Variants in BARD1 observed in about 807,000 individuals in gnomAD.
The protein encoded by BARD1 is BRCA1-associated RING domain protein 1.
Under a neutral mutation model 77.0 loss-of-function variants are expected in BARD1, and 73 were observed. The observed-to-expected ratio is 0.95, with a 90% confidence interval of 0.79 to 1.15. The LOEUF (loss-of-function observed/expected upper bound fraction) is 1.15, where lower values mean the gene tolerates loss of function less well. Ranked by LOEUF, BARD1 falls within the 50% of genes most tolerant of loss-of-function variation. The pLI is 0.00. For synonymous variants in BARD1, 384 were observed against 338.0 expected (o/e 1.14, Z -1.49); for missense variants, 993 against 938.8 (o/e 1.06, Z -0.75).
In BARD1 at chr2:214,809,499, G is replaced by T; in HGVS notation, c.71C>A (p.Pro24His). Residue 24 changes from proline (P) to histidine (H), a missense_variant, in exon 1 of 11, where the codon CCC becomes CAC. Pro to His is a moderately conservative substitution (Grantham distance 77). Transcript: ENST00000260947. ...ACCGCGACCATCCGGTTCCATGGCG[G>T]GCGCGGAACGAGGCTCGTTCCCGGA... Reference protein sequence around the residue: ...IRSGNEPRSAPAMEPDGRGAW... With the variant: ...IRSGNEPRSAHAMEPDGRGAW... The T allele has an allele frequency of 6.2e-7, 1 of 1,606,070 alleles. No homozygotes were observed.
chr2:214,787,735 C>A (rs1695334697), intron 3 of BARD1, among the ~76,000 whole-genome samples: 1 of 151,884 alleles, frequency 6.6e-6, no homozygotes, highest in South Asian at 2.1e-4. Flanking sequence ...AGCTGCTTGG[C>A]CAAGTTTTTT....
intron 3 of BARD1, among the ~76,000 whole-genome samples, chr2:214,788,746 T>A (rs1388624126): frequency 1.3e-5 from 2 of 152,102 alleles, no homozygotes; most frequent in African/African-American, 2.4e-5. Context: ...CCTAATGAGA[T>A]CATTTTCCAA....
At position 214,746,986 on chromosome 2, in the gene BARD1, A is replaced by G. The variant is rs180892255; in HGVS notation, c.1678-1132T>C. 6.6e-3 allele frequency among the ~76,000 whole-genome samples: 999 copies of G among 152,288 alleles called. 10 individuals are homozygous for G. The highest frequency in any genetic ancestry group is 0.022 in the African/African-American group (929 of 41,554). ...CAAAGGGCTAATATCCAGGATCTAC[A>G]ATGAACTCAAACAAATTTACAAGAA... On this transcript the variant is annotated intron_variant, in intron 7 of 10. Transcript: ENST00000260947.
chr2:214,809,296 C>T, intron 1 of BARD1, 116 bp downstream of exon 1: 1 of 1,469,774 alleles, frequency 6.8e-7, no homozygotes, highest in Non-Finnish European at 9.2e-7. Flanking sequence ...CGCACGCCGA[C>T]CCGACTGCAG....
chr2:214,750,761 T>A (rs1363911407), intron 7 of BARD1, among the ~76,000 whole-genome samples: 1 of 152,126 alleles, frequency 6.6e-6, no homozygotes, highest in African/African-American at 2.4e-5. Context: ...TCTTTTTCAG[T>A]TGGCCACTGT....
chr2:214,740,902 G>A (rs59556665), intron 9 of BARD1, among the ~76,000 whole-genome samples: 5,187 of 150,630 alleles, frequency 0.034, 282 homozygotes, highest in African/African-American at 0.12. Flanking sequence ...TTATACGAAT[G>A]TTTTTTTTTA....
intron 6 of BARD1, among the ~76,000 whole-genome samples, chr2:214,759,030 CAT>C (rs1458679546): frequency 2.0e-5 from 3 of 152,130 alleles, no homozygotes; most frequent in Non-Finnish European, 1.5e-5. Context: ...AAACTGCAAA[CAT>C]ATAGATTTAA....
chr2:214,761,758 C>T (rs1317796851), intron 6 of BARD1, among the ~76,000 whole-genome samples: 4 of 152,104 alleles, frequency 2.6e-5, no homozygotes, highest in African/African-American at 9.7e-5. Flanking sequence ...CAATAAAGAA[C>T]ATTAATCTTT....
At position 214,728,990 on chromosome 2, in the gene BARD1, C is replaced by A. The variant is rs1328046615; in HGVS notation, c.2020G>T (p.Gly674Ter). The A allele has an allele frequency of 6.2e-7, 1 of 1,614,110 alleles. No homozygotes were observed. The highest frequency in any genetic ancestry group is 8.5e-7 in the Non-Finnish European group (1 of 1,180,014). ...REQLLPKLFD[G>*]CYFYLWGTFK... ...GTTCCCCACAAATAGAAGTAGCATC[C>A]ATCAAACAGCTTTGGCAACTGAAAT... is the stretch of plus-strand genomic sequence containing the variant. Residue 674 changes from glycine to a stop codon, truncating the protein, a stop_gained, in exon 11 of 11, where the codon GGA becomes TGA. Transcript: ENST00000260947. LOFTEE classifies it high-confidence loss of function.
chr2:214,773,613 G>C (rs1694610234), intron 4 of BARD1, among the ~76,000 whole-genome samples: 1 of 146,854 alleles, frequency 6.8e-6, no homozygotes, highest in Non-Finnish European at 1.5e-5. Flanking sequence ...AGTCTACTAA[G>C]TGTGCAATAG....
intron 6 of BARD1, among the ~76,000 whole-genome samples, chr2:214,760,965 G>A (rs987890447): frequency 6.6e-6 from 1 of 150,818 alleles, no homozygotes; most frequent in African/African-American, 2.4e-5. Context: ...TAGTAGAGAC[G>A]GGGTTTCACC....
Position 214,760,838 on chromosome 2 carries a change from G to A in BARD1, c.1568+6644C>T, listed in dbSNP as rs533383473. Reference sequence around the variant, plus strand: ...CGCCCAGGCTGGAGTGCAGTGGTGCGGTCTCGGCTCACTGCAACCTCCGCC... The same window carrying A: ...CGCCCAGGCTGGAGTGCAGTGGTGCAGTCTCGGCTCACTGCAACCTCCGCC... On this transcript the variant is annotated intron_variant, in intron 6 of 10. Coordinates refer to ENST00000260947, the MANE Select transcript of BARD1 (RefSeq NM_000465.4). 2.0e-3 allele frequency among the ~76,000 whole-genome samples: 303 copies of A among 149,934 alleles called. 1 individual carries two copies. Among genetic ancestry groups the A allele is most frequent in the Non-Finnish European group, 3.0e-3 (205 of 67,586 alleles).
In BARD1 at chr2:214,728,860, ATG is replaced by A. The variant is rs786203811; in HGVS notation, c.2148_2149del (p.Ile717GlnfsTer12). 5 of 1,614,150 alleles carry A rather than the reference ATG, an allele frequency of 3.1e-6. No individual in the cohort carries two copies. The highest frequency in any genetic ancestry group is 4.2e-6 in the Non-Finnish European group (5 of 1,180,024). On this transcript the variant is annotated frameshift_variant, in exon 11 of 11. Coordinates refer to ENST00000260947, the MANE Select transcript of BARD1 (RefSeq NM_000465.4). LOFTEE classifies it high-confidence loss of function. ...TCTCGCATGGTATGCGACTGTATTGATGGTCTGAGTCACGTCACTGTCTGGCT... is the reference window on the plus strand; with the variant it reads ...TCTCGCATGGTATGCGACTGTATTGAGTCTGAGTCACGTCACTGTCTGGCT...
intron 4 of BARD1, among the ~76,000 whole-genome samples, chr2:214,779,080 C>G (rs1694862989): frequency 6.6e-6 from 1 of 152,078 alleles, no homozygotes; most frequent in Admixed American, 6.6e-5. Flanking sequence ...TTAAGTCAGG[C>G]TTTGCAAAAA....
intron 9 of BARD1, chr2:214,730,934 A>G (rs918641971): frequency 4.2e-5 from 19 of 456,168 alleles, no homozygotes; most frequent in African/African-American, 2.4e-4. Flanking sequence ...TTTGACAGTT[A>G]TATGTCTAAT....
rs1693076208 is a variant in BARD1 at position 214,745,756 on chromosome 2, A to C, written c.1776T>G (p.Leu592=). The change falls in exon 8 of 11, where the codon CTT becomes CTG. Residue 592 remains leucine (L), a synonymous_variant. Transcript: ENST00000260947. The part of the protein sequence containing the change: ...QKMLSELAVI[L]KAKKYTEFDS... ...CAAACTCAGTATATTTTTTAGCCTT[A>C]AGAATTACTGCAAGCTCACTGAGCA... 2 of 1,613,948 alleles carry C rather than the reference A, an allele frequency of 1.2e-6. No homozygotes were observed. Among genetic ancestry groups the C allele is most frequent in the Admixed American group, 3.3e-5 (2 of 59,988 alleles).
At chr2:214,761,071 TAA>T (rs11437639) in intron 6 of BARD1, among the ~76,000 whole-genome samples, 4 of 146,036 alleles carry the variant, frequency 2.7e-5, no homozygotes, top group Non-Finnish European at 4.5e-5. Context: ...CTTGATGGGA[TAA>T]AAAAAAAAAG....
intron 1 of BARD1, among the ~76,000 whole-genome samples, chr2:214,807,782 C>T (rs997893872): frequency 6.6e-6 from 1 of 152,124 alleles, no homozygotes; most frequent in African/African-American, 2.4e-5. Flanking sequence ...AAAGCTAGAA[C>T]CTGAACTCAG....
At position 214,792,318 on chromosome 2, in the gene BARD1, G is replaced by A. The variant is rs2106134516; in HGVS notation, c.343C>T (p.Leu115=). The A allele has an allele frequency of 6.2e-7, 1 of 1,613,360 alleles. No homozygotes were observed. The highest frequency in any genetic ancestry group is 8.5e-7 in the Non-Finnish European group (1 of 1,179,702). ...TTACCTGACAGCTCATTGTCATGTA[G>A]CAAATTTCGAAGCTTACTACAAAGT... The part of the protein sequence containing the change: ...IQLCSKLRNL[L]HDNELSDLKE... The change falls in exon 3 of 11, where the codon CTA becomes TTA. Residue 115 remains leucine, a synonymous_variant. Coordinates refer to ENST00000260947, the MANE Select transcript of BARD1 (RefSeq NM_000465.4).
Sources: allele counts gnomAD v4.1 joint callset (sites outside exome capture counted in the v4.1 genomes callset), GRCh38; gene constraint gnomAD v4.1.1; transcripts MANE v1.5; gene names NCBI Gene and HGNC (gene_info 2026-07-23, HGNC 2026-07-21).